The following EYS variants were observed in gnomAD, a reference collection of about 807,000 sequenced individuals.
EYS encodes the protein protein eyes shut homolog.
A neutral mutation model predicts 282.1 loss-of-function variants in EYS; 250 were observed. The ratio of observed to expected loss-of-function variants is 0.89; its 90% confidence interval spans 0.80 to 0.98. The LOEUF (loss-of-function observed/expected upper bound fraction) is 0.98. Among genes scored for constraint, EYS ranks in the 50% least tolerant of loss-of-function variants. The probability of loss-of-function intolerance (pLI) is 0.00; values close to 1 mark genes in which losing one functional copy is unlikely to be tolerated. For synonymous variants in EYS, 1,355 were observed against 1,282.9 expected, an observed-to-expected ratio of 1.06 and a Z score of -1.20; for missense variants, 4,016 against 3,709.0, an observed-to-expected ratio of 1.08 and a Z score of -2.15.
At chr6:64,332,451 G>A (rs543199582) in intron 29 of EYS, among the ~76,000 whole-genome samples, 140 of 152,122 alleles carry the variant, frequency 9.2e-4, no homozygotes, top group Non-Finnish European at 1.4e-3. Flanking sequence ...TCAAATGATG[G>A]AACCCAACCA....
chr6:63,753,164 A>G (rs1238408101), intron 41 of EYS, among the ~76,000 whole-genome samples: 5 of 142,798 alleles, frequency 3.5e-5, no homozygotes, highest in African/African-American at 5.2e-5. Flanking sequence ...ATATATATAT[A>G]TATGTATATA....
chr6:65,702,146 T>C (rs967591561), intron 1 of EYS, among the ~76,000 whole-genome samples: 1 of 152,232 alleles, frequency 6.6e-6, no homozygotes, highest in African/African-American at 2.4e-5. Context: ...TTCCGTGTTT[T>C]GGAGAGAATA....
intron 22 of EYS, among the ~76,000 whole-genome samples, chr6:64,753,345 G>T (rs973546297): frequency 1.3e-5 from 2 of 151,826 alleles, no homozygotes; most frequent in Admixed American, 1.3e-4. Context: ...CAAAAACAGG[G>T]TTCAGCCAAA....
chr6:65,043,846 G>T (rs1459720765), intron 13 of EYS, among the ~76,000 whole-genome samples: 2 of 151,544 alleles, frequency 1.3e-5, no homozygotes, highest in South Asian at 4.1e-4. Flanking sequence ...AATGATGTGG[G>T]CATGCAAATA....
chr6:65,402,084 C>T lies in EYS; in HGVS notation c.1184+394G>A, dbSNP rs150301312. Among the ~76,000 whole-genome samples the T allele has an allele frequency of 4.1e-3, 622 of 151,872 alleles. 5 individuals carry two copies. Among genetic ancestry groups the T allele is most frequent in the African/African-American group, 0.014 (589 of 41,504 alleles). ...TATCTATCTGCTGAGGTTTGTGAAA[C>T]ACAGGAAGAAATATTCTATTATTTT... On this transcript the variant is annotated intron_variant, in intron 7 of 42. Transcript: ENST00000503581.
intron 30 of EYS, among the ~76,000 whole-genome samples, chr6:64,242,683 C>T (rs1766873102): frequency 6.6e-6 from 1 of 151,692 alleles, no homozygotes; most frequent in African/African-American, 2.4e-5. Flanking sequence ...CTCTATATCC[C>T]ATGTGTGTTC....
At chr6:64,634,038 C>G (rs1417716548) in intron 22 of EYS, among the ~76,000 whole-genome samples, 1 of 152,158 alleles carries the variant, frequency 6.6e-6, no homozygotes, top group Non-Finnish European at 1.5e-5. Flanking sequence ...GGCTGGAGAG[C>G]AGTGGTGTGA....
intron 26 of EYS, among the ~76,000 whole-genome samples, chr6:64,541,531 C>T (rs186829310): frequency 6.6e-6 from 1 of 152,040 alleles, no homozygotes; most frequent in Non-Finnish European, 1.5e-5. Context: ...GGAATTCCTT[C>T]CTCTCTGTTT....
chr6:65,079,836 A>T (rs1774175709), intron 12 of EYS, among the ~76,000 whole-genome samples: 1 of 152,110 alleles, frequency 6.6e-6, no homozygotes, highest in Admixed American at 6.6e-5. Context: ...CCCAAAAATC[A>T]GAAATTCTGA....
At chr6:65,290,535 A>G (rs760663376) in intron 12 of EYS, among the ~76,000 whole-genome samples, 9 of 151,282 alleles carry the variant, frequency 5.9e-5, no homozygotes, top group Non-Finnish European at 1.2e-4. Context: ...ACATTAGCAA[A>G]TTCTTAGCAA....
rs1770114522 is a variant in EYS at position 63,778,173 on chromosome 6, A to G, written c.7731T>C (p.Ile2577=). The G allele has an allele frequency of 6.4e-7, 1 of 1,551,792 alleles. No individual in the cohort carries two copies. Among genetic ancestry groups the G allele is most frequent in the Non-Finnish European group, 8.7e-7 (1 of 1,146,982 alleles). The stretch of plus-strand genomic sequence containing the variant: ...TCTCAGTGCGAACTTGAAGAGTGAA[A>G]ATACAGCCTTGAAGAAATGCAAAAA... The part of the protein sequence containing the change: ...ADFKNGFQGC[I]FTLQVRTEKD... The change falls in exon 40 of 43, where the codon ATT becomes ATC. Residue 2577 remains isoleucine, a synonymous_variant. Transcript: ENST00000503581.
intron 12 of EYS, among the ~76,000 whole-genome samples, chr6:65,248,745 T>C (rs1767245005): frequency 6.6e-6 from 1 of 151,918 alleles, no homozygotes; most frequent in Non-Finnish European, 1.5e-5. Context: ...AAAAAATAGA[T>C]TTGTTGTGCA....
chr6:64,303,628 G>A (rs1753013644), intron 30 of EYS, among the ~76,000 whole-genome samples: 1 of 151,878 alleles, frequency 6.6e-6, no homozygotes, highest in Non-Finnish European at 1.5e-5. Flanking sequence ...GGATCACGAG[G>A]TCAGGAGATC....
chr6:64,517,622 C>A (rs1384799350), intron 26 of EYS, among the ~76,000 whole-genome samples: 1 of 151,764 alleles, frequency 6.6e-6, no homozygotes, highest in Non-Finnish European at 1.5e-5. Flanking sequence ...AGGAATGCTT[C>A]CTTCCATTTA....
chr6:64,909,246 C>T (rs1402017303), intron 16 of EYS, among the ~76,000 whole-genome samples: 1 of 151,986 alleles, frequency 6.6e-6, no homozygotes, highest in African/African-American at 2.4e-5. Flanking sequence ...ACACTAACAA[C>T]AAGCAGTTAC....
intron 5 of EYS, among the ~76,000 whole-genome samples, chr6:65,412,672 T>C (rs1269510240): frequency 6.6e-6 from 1 of 152,118 alleles, no homozygotes; most frequent in East Asian, 1.9e-4. Context: ...CTATTATTTA[T>C]TGAGATTTTT....
intron 8 of EYS, among the ~76,000 whole-genome samples, chr6:65,364,674 C>T (rs4394197): frequency 0.68 from 102,525 of 151,154 alleles, 35,020 homozygotes; most frequent in South Asian, 0.71. Flanking sequence ...AATGTTCTCT[C>T]CTGGGTTAAT....
chr6:64,330,016 C>T (rs931959273), intron 29 of EYS, among the ~76,000 whole-genome samples: 5 of 152,148 alleles, frequency 3.3e-5, no homozygotes, highest in Admixed American at 1.3e-4. Flanking sequence ...AACTCCCCAA[C>T]CATTTTCAAG....
At chr6:64,105,136 G>C (rs1305980000) in intron 31 of EYS, among the ~76,000 whole-genome samples, 2 of 151,978 alleles carry the variant, frequency 1.3e-5, no homozygotes, top group African/African-American at 4.8e-5. Flanking sequence ...TGAGGAAGCA[G>C]AATCATCAGA....
Sources: gnomAD v4.1 joint callset for allele counts (sites outside exome capture counted in the v4.1 genomes callset) on GRCh38, gnomAD v4.1.1 for gene constraint, MANE v1.5 for transcripts, NCBI Gene and HGNC (gene_info 2026-07-23, HGNC 2026-07-21) for gene names.